BABAM2: variants seen among roughly 807,000 people sequenced by gnomAD.
BABAM2 encodes BRISC and BRCA1 A complex member 2.
Under a neutral mutation model 54.7 loss-of-function variants are expected in BABAM2, and 31 were observed. The observed-to-expected ratio is 0.57, with a 90% CI of 0.43 to 0.77. The LOEUF (loss-of-function observed/expected upper bound fraction) is 0.77. BABAM2 is among the 30% of genes least tolerant of loss of function. The pLI, the probability that BABAM2 is intolerant of heterozygous loss-of-function variation, is 0.00. For synonymous variants in BABAM2, 167 were observed against 162.9 expected, an observed-to-expected ratio of 1.03 and a Z score of -0.19; for missense variants, 364 against 455.8, an observed-to-expected ratio of 0.80 and a Z score of 1.83.
chr2:28,067,927 C>T (rs1663760263), intron 6 of BABAM2, among the ~76,000 whole-genome samples: 1 of 151,958 alleles, frequency 6.6e-6, no homozygotes, highest in Non-Finnish European at 1.5e-5. Context: ...TTTCTTTTTT[C>T]CTTTTTTAAA....
At chr2:27,998,861 G>A (rs1673364363) in intron 4 of BABAM2, among the ~76,000 whole-genome samples, 1 of 152,190 alleles carries the variant, frequency 6.6e-6, no homozygotes, top group Admixed American at 6.5e-5. Flanking sequence ...GAAGGTTTTA[G>A]TAACATCAAA....
At chr2:28,293,913 C>T (rs557613978) in intron 10 of BABAM2, among the ~76,000 whole-genome samples, 1 of 152,152 alleles carries the variant, frequency 6.6e-6, no homozygotes, top group East Asian at 1.9e-4. Context: ...TGAAATTCTA[C>T]TAAACAGGTG....
chr2:28,166,468 A>G (rs747048801), intron 7 of BABAM2, among the ~76,000 whole-genome samples: 15 of 152,168 alleles, frequency 9.9e-5, no homozygotes, highest in Non-Finnish European at 2.1e-4. Flanking sequence ...TGGATGCCAA[A>G]CTAGTAAATC....
intron 3 of BABAM2, among the ~76,000 whole-genome samples, chr2:27,936,933 A>G (rs1330864724): frequency 6.6e-6 from 1 of 152,114 alleles, no homozygotes; most frequent in East Asian, 1.9e-4. Context: ...ATGTACCCTG[A>G]AACTTAAAGT....
chr2:28,133,002 T>C (rs1670221472), intron 7 of BABAM2, among the ~76,000 whole-genome samples: 1 of 152,240 alleles, frequency 6.6e-6, no homozygotes, highest in Non-Finnish European at 1.5e-5. Flanking sequence ...TTTTCCTGGT[T>C]GCTACAAATT....
At chr2:27,997,541 A>G (rs1673254711) in intron 4 of BABAM2, among the ~76,000 whole-genome samples, 1 of 152,212 alleles carries the variant, frequency 6.6e-6, no homozygotes, top group South Asian at 2.1e-4. Flanking sequence ...TTGCTATTAT[A>G]GCTAATTATA....
intron 6 of BABAM2, among the ~76,000 whole-genome samples, chr2:28,120,670 G>A (rs1445759450): frequency 6.6e-6 from 1 of 152,212 alleles, no homozygotes; most frequent in Non-Finnish European, 1.5e-5. Context: ...ACTGGGCCTA[G>A]TAGGAAGAAG....
At chr2:28,288,029 C>A (rs1686967793) in intron 10 of BABAM2, among the ~76,000 whole-genome samples, 1 of 152,160 alleles carries the variant, frequency 6.6e-6, no homozygotes, top group African/African-American at 2.4e-5. Flanking sequence ...CACTGGTATG[C>A]TTTTGTCCTC....
intron 11 of BABAM2, among the ~76,000 whole-genome samples, chr2:28,333,334 A>T (rs955572808): frequency 6.6e-6 from 1 of 151,960 alleles, no homozygotes; most frequent in Non-Finnish European, 1.5e-5. Context: ...CGCACAGGCT[A>T]CCCTCACCTT....
At chr2:28,177,286 A>G (rs1226035951) in intron 7 of BABAM2, among the ~76,000 whole-genome samples, 1 of 152,092 alleles carries the variant, frequency 6.6e-6, no homozygotes, top group Non-Finnish European at 1.5e-5. Flanking sequence ...ACTGTTAGCC[A>G]AGTATACTAT....
chr2:28,181,217 T>C (rs1240603286), intron 7 of BABAM2, among the ~76,000 whole-genome samples: 1 of 152,150 alleles, frequency 6.6e-6, no homozygotes, highest in Non-Finnish European at 1.5e-5. Flanking sequence ...AACAAAGATA[T>C]AGAATCAACC....
At chr2:27,991,861 T>C (rs1407808098) in intron 4 of BABAM2, among the ~76,000 whole-genome samples, 1 of 152,222 alleles carries the variant, frequency 6.6e-6, no homozygotes, top group Non-Finnish European at 1.5e-5. Flanking sequence ...TTATTTCTCT[T>C]GGATATATTT....
intron 4 of BABAM2, among the ~76,000 whole-genome samples, chr2:28,012,837 C>T (rs1674493781): frequency 6.6e-6 from 1 of 152,196 alleles, no homozygotes; most frequent in Non-Finnish European, 1.5e-5. Flanking sequence ...AATTTGCCTA[C>T]TTTCTTTCTC....
At chr2:27,901,730 G>A (rs746320454) in intron 2 of BABAM2, among the ~76,000 whole-genome samples, 3 of 152,078 alleles carry the variant, frequency 2.0e-5, no homozygotes, top group Admixed American at 1.3e-4. Context: ...CCTTGATTGC[G>A]CCCAATCTCG....
intron 6 of BABAM2, among the ~76,000 whole-genome samples, chr2:28,113,862 C>T (rs892103835): frequency 5.9e-5 from 9 of 152,174 alleles, no homozygotes; most frequent in African/African-American, 2.2e-4. Flanking sequence ...AGATCCTTCA[C>T]ATCCCTTGTA....
chr2:28,057,004 T>C (rs1445615444), intron 6 of BABAM2, among the ~76,000 whole-genome samples: 3 of 152,208 alleles, frequency 2.0e-5, no homozygotes, highest in Non-Finnish European at 4.4e-5. Flanking sequence ...AAGGAATGCG[T>C]ATATCATATT....
At chr2:28,226,880 T>C (rs76809558) in intron 7 of BABAM2, among the ~76,000 whole-genome samples, 5 of 152,040 alleles carry the variant, frequency 3.3e-5, no homozygotes, top group Non-Finnish European at 7.4e-5. Context: ...ACCAGGCCAA[T>C]TGACTATGGG....
At chr2:28,128,914 ATGT>A (rs1669801994) in intron 6 of BABAM2, among the ~76,000 whole-genome samples, 1 of 152,054 alleles carries the variant, frequency 6.6e-6, no homozygotes, top group African/African-American at 2.4e-5. Flanking sequence ...ATGTTTTTTG[ATGT>A]TGTAGGATGT....
intron 11 of BABAM2, among the ~76,000 whole-genome samples, chr2:28,303,345 C>T (rs560913800): frequency 6.6e-6 from 1 of 152,276 alleles, no homozygotes; most frequent in South Asian, 2.1e-4. Flanking sequence ...TGATCCATCT[C>T]AAATTAATTT....
Sources: gnomAD v4.1 joint callset for allele counts (sites outside exome capture counted in the v4.1 genomes callset) on GRCh38, gnomAD v4.1.1 for gene constraint, MANE v1.5 for transcripts, NCBI Gene and HGNC (gene_info 2026-07-23, HGNC 2026-07-21) for gene names.